The following SCN3B variants were observed in gnomAD, a reference collection of about 807,000 sequenced individuals.
SCN3B encodes the protein sodium channel regulatory subunit beta-3.
A neutral mutation model predicts 25.4 loss-of-function variants in SCN3B; 11 were observed. The observed-to-expected ratio is 0.43, with a 90% confidence interval of 0.27 to 0.72. The LOEUF (loss-of-function observed/expected upper bound fraction) is 0.72. Among genes scored for constraint, SCN3B ranks in the 30% least tolerant of loss-of-function variants. The pLI, the probability that SCN3B is intolerant of heterozygous loss-of-function variation, is 0.18. For missense variants in SCN3B, 218 were observed against 278.3 expected, an observed-to-expected ratio of 0.78 and a Z score of 1.54; for synonymous variants, 109 against 110.7, an observed-to-expected ratio of 0.99 and a Z score of 0.09.
In SCN3B at chr11:123,638,244, C is replaced by T. The variant is rs769530589; in HGVS notation, c.526G>A (p.Glu176Lys). Reference sequence around the variant, plus strand: ...ACCTTTCTGTAGCAATATATCATCTCGATGAGCAGCCACAAGGTGAGGAAG... The same window carrying T: ...ACCTTTCTGTAGCAATATATCATCTTGATGAGCAGCCACAAGGTGAGGAAG... Reference protein sequence around the residue: ...LVFLTLWLLIEMIYCYRKVSK... With the variant: ...LVFLTLWLLIKMIYCYRKVSK... Residue 176 changes from glutamate (E) to lysine (K), a missense_variant, in exon 5 of 7, where the codon GAG becomes AAG. Transcript: ENST00000299333. 5 of 1,614,108 alleles carry T rather than the reference C, an allele frequency of 3.1e-6. No individual in the cohort carries two copies. The highest frequency in any genetic ancestry group is 4.5e-5 in the East Asian group (2 of 44,890).
intron 2 of SCN3B, among the ~76,000 whole-genome samples, chr11:123,649,744 C>T (rs1388993937): frequency 2.0e-5 from 3 of 150,752 alleles, no homozygotes; most frequent in Non-Finnish European, 4.4e-5. Flanking sequence ...ACTCTTGTCA[C>T]CCAGGCTGGA....
rs1955648429 is a variant in SCN3B at position 123,629,908 on chromosome 11, T to A, written c.*3891A>T. On this transcript the variant is annotated 3_prime_UTR_variant, in exon 7 of 7. Transcript: ENST00000299333. ...ATATATTCTGAAGTGTGTCTAGCTC[T>A]TGCTTCTCTTTCTTCCTGCAAAGAT... 1 of 152,240 alleles carries A rather than the reference T, an allele frequency of 6.6e-6. No individual in the cohort carries two copies. The highest frequency in any genetic ancestry group is 2.1e-4 in the South Asian group (1 of 4,838). 9.4% of individuals were successfully genotyped at this position (152,240 alleles called of 1,614,324 possible).
At chr11:123,646,757 C>A (rs748940091) in intron 2 of SCN3B, among the ~76,000 whole-genome samples, 2 of 152,150 alleles carry the variant, frequency 1.3e-5, no homozygotes, top group African/African-American at 4.8e-5. Flanking sequence ...GCAAAACATG[C>A]GCAAATGTGA....
In SCN3B at chr11:123,645,580, A is replaced by T; in HGVS notation, c.219+7T>A. ...GAAGAAAGGCCAGAGTCAGCAGTCT[A>T]ACATACAAGGAAATCTTTACCGCCC... On this transcript the variant is annotated splice_region_variant and intron_variant, in intron 3 of 6. Coordinates refer to ENST00000299333, the MANE Select transcript of SCN3B (RefSeq NM_001040151.2). 1 of 1,614,118 alleles carries T rather than the reference A, an allele frequency of 6.2e-7. No individual in the cohort carries two copies. The highest frequency in any genetic ancestry group is 8.5e-7 in the Non-Finnish European group (1 of 1,179,986).
chr11:123,649,963 C>A (rs926886923), intron 2 of SCN3B, among the ~76,000 whole-genome samples: 2 of 152,180 alleles, frequency 1.3e-5, no homozygotes. Context: ...CTTGACCTCC[C>A]AAAGTGCCGG....
intron 4 of SCN3B, chr11:123,638,983 A>G (rs114591901): frequency 0.014 from 2,212 of 161,998 alleles, 58 homozygotes; most frequent in African/African-American, 0.048. Context: ...TATCAACCGC[A>G]TTGTCCCCAG....
In SCN3B at chr11:123,633,516, T is replaced by C. The variant is rs1955694594; in HGVS notation, c.*283A>G. Reference sequence around the variant, plus strand: ...AAATCCAGTTGGCTTTGGAGTGTCTTGTTGGAAAACTAGGAGAGGGTGAGG... The same window carrying C: ...AAATCCAGTTGGCTTTGGAGTGTCTCGTTGGAAAACTAGGAGAGGGTGAGG... On this transcript the variant is annotated 3_prime_UTR_variant, in exon 7 of 7. Coordinates refer to ENST00000299333, the MANE Select transcript of SCN3B (RefSeq NM_001040151.2). 1 of 157,662 alleles carries C rather than the reference T, an allele frequency of 6.3e-6. No individual in the cohort carries two copies. Among genetic ancestry groups the C allele is most frequent in the African/African-American group, 2.4e-5 (1 of 41,496 alleles). 9.8% of individuals were successfully genotyped at this position (157,662 alleles called of 1,614,324 possible).
intron 4 of SCN3B, among the ~76,000 whole-genome samples, chr11:123,641,372 T>C (rs999176935): frequency 3.9e-5 from 6 of 152,214 alleles, no homozygotes; most frequent in African/African-American, 7.2e-5. Context: ...TCTGATCCGT[T>C]ATGTCTCTTT....
chr11:123,647,580 A>T (rs1591349040), intron 2 of SCN3B, among the ~76,000 whole-genome samples: 1 of 152,152 alleles, frequency 6.6e-6, no homozygotes, highest in East Asian at 1.9e-4. Flanking sequence ...ATAAAAACAG[A>T]ACCCCCAGAA....
Position 123,642,596 on chromosome 11 carries a change from C to T in SCN3B, c.295G>A (p.Asp99Asn), listed in dbSNP as rs753656773. The change falls in exon 4 of 7, where the codon GAC (aspartate) becomes AAC (asparagine). Residue 99 changes from aspartate (D) to asparagine (N), a missense_variant. Asp to Asn is a conservative substitution (Grantham distance 23). Coordinates refer to ENST00000299333, the MANE Select transcript of SCN3B (RefSeq NM_001040151.2). This position sits in a 1 kb window ranked among gnomAD's most constrained non-coding sequence, Gnocchi z 4.3. ...QGRLQWNGSK[D>N]LQDVSITVLN... ...ACAGTGATGGACACGTCCTGCAGGTCCTTGCTGCCATTCCACTGCAGGCGC... is the reference window on the plus strand; with the variant it reads ...ACAGTGATGGACACGTCCTGCAGGTTCTTGCTGCCATTCCACTGCAGGCGC... 6.2e-7 allele frequency: 1 copy of T among 1,614,170 alleles called. No individual in the cohort carries two copies. Among genetic ancestry groups the T allele is most frequent in the Admixed American group, 1.7e-5 (1 of 60,026 alleles).
At position 123,653,961 on chromosome 11, in the gene SCN3B, C is replaced by G. The variant is rs1955962777; in HGVS notation, c.-25-135G>C. 3 of 827,354 alleles carry G rather than the reference C, an allele frequency of 3.6e-6. No individual in the cohort carries two copies. In the African/African-American group the frequency reaches 5.1e-5, roughly 14 times the overall value. The allele number at this position is 827,354 out of a possible 1,614,324, so 51.3% of individuals were successfully genotyped here. On this transcript the variant is annotated intron_variant, in intron 1 of 6. Transcript: ENST00000299333. Reference sequence around the variant, plus strand: ...CCGAGCACCGGTGCCTGGGGAGGCCCTGGGAGCTTTTGGAGCCGGGTGGGG... The same window carrying G: ...CCGAGCACCGGTGCCTGGGGAGGCCGTGGGAGCTTTTGGAGCCGGGTGGGG...
intron 5 of SCN3B, among the ~76,000 whole-genome samples, chr11:123,635,922 T>C (rs1049142397): frequency 5.9e-5 from 9 of 152,188 alleles, no homozygotes; most frequent in African/African-American, 2.2e-4. Flanking sequence ...GTTAAGACTA[T>C]TTTTGGCTAC....
intron 2 of SCN3B, among the ~76,000 whole-genome samples, chr11:123,651,609 C>T (rs2137254608): frequency 6.6e-6 from 1 of 152,302 alleles, no homozygotes; most frequent in South Asian, 2.1e-4. Flanking sequence ...GGTGATCCAC[C>T]CGCCTCGGCC....
In SCN3B at chr11:123,642,585, G is replaced by A. The variant is rs764015014; in HGVS notation, c.306C>T (p.Asp102=). 35 of 1,609,960 alleles carry A rather than the reference G, an allele frequency of 2.2e-5. No individual in the cohort carries two copies. Among genetic ancestry groups the A allele is most frequent in the African/African-American group, 2.7e-5 (2 of 74,704 alleles). The change falls in exon 4 of 7, where the codon GAC becomes GAT. Residue 102 remains aspartate (D), a synonymous_variant. Coordinates refer to ENST00000299333, the MANE Select transcript of SCN3B (RefSeq NM_001040151.2). This position sits in a 1 kb window ranked among gnomAD's most constrained non-coding sequence, Gnocchi z 4.3. Reference sequence around the variant, plus strand: ...TGACGTTGAGCACAGTGATGGACACGTCCTGCAGGTCCTTGCTGCCATTCC... The same window carrying A: ...TGACGTTGAGCACAGTGATGGACACATCCTGCAGGTCCTTGCTGCCATTCC... ...LQWNGSKDLQ[D]VSITVLNVTL...
At chr11:123,651,561 G>A (rs1409462702) in intron 2 of SCN3B, among the ~76,000 whole-genome samples, 1 of 152,034 alleles carries the variant, frequency 6.6e-6, no homozygotes, top group Non-Finnish European at 1.5e-5. Context: ...ATGGGGTTTC[G>A]CCGTGTTGGC....
rs979331123 is a variant in SCN3B at position 123,654,209 on chromosome 11, G to C, written c.-26+17C>G. On this transcript the variant is annotated intron_variant, in intron 1 of 6. Coordinates refer to ENST00000299333, the MANE Select transcript of SCN3B (RefSeq NM_001040151.2). ...TGGCCTAGCAGCCAGGCTGTGGAAG[G>C]GTCCAGGTTGATTCACCTCTCGCCT... 1 of 276,586 alleles carries C rather than the reference G, an allele frequency of 3.6e-6. No homozygotes were observed. Among genetic ancestry groups the C allele is most frequent in the African/African-American group, 2.2e-5 (1 of 45,668 alleles). 17.1% of individuals were successfully genotyped at this position (276,586 alleles called of 1,614,324 possible).
intron 2 of SCN3B, among the ~76,000 whole-genome samples, chr11:123,650,922 T>C (rs1955917885): frequency 6.6e-6 from 1 of 152,114 alleles, no homozygotes; most frequent in Non-Finnish European, 1.5e-5. Flanking sequence ...TAGGGTTTTA[T>C]TTATTTATTT....
chr11:123,653,789 T>C lies in SCN3B; in HGVS notation c.13A>G (p.Asn5Asp), dbSNP rs758655363. 5 of 1,614,104 alleles carry C rather than the reference T, an allele frequency of 3.1e-6. No homozygotes were observed. Among genetic ancestry groups the C allele is most frequent in the Non-Finnish European group, 4.2e-6 (5 of 1,180,038 alleles). Residue 5 changes from asparagine to aspartate, a missense_variant, in exon 2 of 7, where the codon AAT (asparagine) becomes GAT (aspartate). Coordinates refer to ENST00000299333, the MANE Select transcript of SCN3B (RefSeq NM_001040151.2). The part of the protein sequence containing the change: MPAF[N>D]RLFPLASLVL... The stretch of plus-strand genomic sequence containing the variant: ...AGAGAAGCCAGGGGAAACAATCTAT[T>C]GAAGGCAGGCATCTTCTGGGGCTGG...
intron 3 of SCN3B, 31 bp downstream of exon 3, chr11:123,645,555 GA>G: frequency 6.2e-7 from 1 of 1,612,864 alleles, no homozygotes; most frequent in Non-Finnish European, 8.5e-7. Flanking sequence ...GAGGCCAGCA[GA>G]AGAAAGGCCA....
Sources: gnomAD v4.1 joint callset for allele counts (sites outside exome capture counted in the v4.1 genomes callset) on GRCh38, gnomAD v4.1.1 for gene constraint, Gnocchi (gnomAD v3.1) non-coding constraint, MANE v1.5 for transcripts, NCBI Gene and HGNC (gene_info 2026-07-23, HGNC 2026-07-21) for gene names.